The following KCNH7 variants were observed in gnomAD, a reference collection of about 807,000 sequenced individuals.
KCNH7 encodes potassium voltage-gated channel subfamily H member 7.
A neutral mutation model predicts 120.8 loss-of-function variants in KCNH7; 49 were observed. That is an observed-to-expected ratio of 0.41 (90% CI 0.32 to 0.51). KCNH7 has a LOEUF of 0.51. Among genes scored for constraint, KCNH7 ranks in the 20% least tolerant of loss-of-function variants. The pLI is 0.38. For synonymous variants in KCNH7, 547 were observed against 516.1 expected (o/e 1.06, Z -0.81); for missense variants, 1,097 against 1,446.6 (o/e 0.76, Z 3.92).
intron 2 of KCNH7, among the ~76,000 whole-genome samples, chr2:162,799,538 A>G (rs1163628260): frequency 1.3e-5 from 2 of 152,020 alleles, no homozygotes; most frequent in East Asian, 1.9e-4. Context: ...ATAAATATTT[A>G]TAAGTAATCC....
intron 2 of KCNH7, among the ~76,000 whole-genome samples, chr2:162,553,671 A>AAAGAC (rs1209775706): frequency 6.6e-6 from 1 of 152,126 alleles, no homozygotes; most frequent in Admixed American, 6.5e-5. Context: ...AAAGAAAAGA[A>AAAGAC]AAGAAAAAAA....
chr2:162,384,337 T>G (rs1549020), intron 13 of KCNH7, among the ~76,000 whole-genome samples: 64,650 of 151,620 alleles, frequency 0.43, 16,677 homozygotes, highest in East Asian at 0.83. Flanking sequence ...AATGGGTACA[T>G]AAGATACATA....
intron 2 of KCNH7, chr2:162,795,957 C>A (rs1475996088): frequency 6.6e-6 from 1 of 151,942 alleles, no homozygotes; most frequent in East Asian, 1.9e-4. Flanking sequence ...ACAAAGAAGA[C>A]CACAGTATAA....
At position 162,613,956 on chromosome 2, in the gene KCNH7, T is replaced by G. The variant is rs567938242; in HGVS notation, c.308-76876A>C. On this transcript the variant is annotated intron_variant, in intron 2 of 15. Coordinates refer to ENST00000332142, the MANE Select transcript of KCNH7 (RefSeq NM_033272.4). ...ATAATCCTTCCCCAAAGAGAAAGTT[T>G]TTTTTTTTTTAATATAAACAGAGAA... Among the ~76,000 whole-genome samples the G allele has an allele frequency of 2.6e-3, 390 of 150,342 alleles. 1 individual carries two copies. The highest frequency in any genetic ancestry group is 9.3e-3 in the African/African-American group (375 of 40,146).
chr2:162,579,769 G>A (rs1273351068), intron 2 of KCNH7, among the ~76,000 whole-genome samples: 3 of 151,974 alleles, frequency 2.0e-5, no homozygotes, highest in African/African-American at 4.8e-5. Context: ...GAACCCTAGC[G>A]AAGACAGGCA....
intron 2 of KCNH7, among the ~76,000 whole-genome samples, chr2:162,710,974 A>G: frequency 6.6e-6 from 1 of 152,180 alleles, no homozygotes; most frequent in East Asian, 1.9e-4. Context: ...GATCCTCTTC[A>G]ATGTCACTTC....
chr2:162,810,740 T>C (rs1157623905), intron 2 of KCNH7, among the ~76,000 whole-genome samples: 1 of 152,168 alleles, frequency 6.6e-6, no homozygotes, highest in Admixed American at 6.5e-5. Context: ...TGTCACTTTC[T>C]TTTTAATCTG....
chr2:162,478,659 CA>C (rs1414740113), intron 6 of KCNH7, among the ~76,000 whole-genome samples: 1 of 152,124 alleles, frequency 6.6e-6, no homozygotes, highest in Non-Finnish European at 1.5e-5. Context: ...AATGCAAATT[CA>C]AAGTTAGGAA....
At chr2:162,645,291 G>T (rs182098070) in intron 2 of KCNH7, among the ~76,000 whole-genome samples, 1 of 152,106 alleles carries the variant, frequency 6.6e-6, no homozygotes, top group Admixed American at 6.5e-5. Context: ...GGGACTACAG[G>T]CACGTGCCAC....
intron 6 of KCNH7, among the ~76,000 whole-genome samples, chr2:162,453,534 G>A (rs1266081878): frequency 6.6e-6 from 1 of 152,142 alleles, no homozygotes; most frequent in Non-Finnish European, 1.5e-5. Flanking sequence ...TTGAGGAATT[G>A]CCACACTGTC....
chr2:162,717,784 G>A (rs1458390678), intron 2 of KCNH7, among the ~76,000 whole-genome samples: 1 of 152,034 alleles, frequency 6.6e-6, no homozygotes, highest in Non-Finnish European at 1.5e-5. Flanking sequence ...GTGAATGAAT[G>A]AATGAATGAG....
chr2:162,760,650 A>C (rs1688937360), intron 2 of KCNH7, among the ~76,000 whole-genome samples: 1 of 152,074 alleles, frequency 6.6e-6, no homozygotes, highest in East Asian at 1.9e-4. Context: ...TAGTATTCTT[A>C]ATGCGATCAA....
intron 2 of KCNH7, among the ~76,000 whole-genome samples, chr2:162,787,590 G>T (rs570164419): frequency 7.9e-5 from 12 of 152,300 alleles, no homozygotes; most frequent in African/African-American, 2.2e-4. Flanking sequence ...CAGCACTACC[G>T]CAGTAGACTG....
intron 2 of KCNH7, among the ~76,000 whole-genome samples, chr2:162,650,358 T>A (rs1249481692): frequency 6.6e-6 from 1 of 152,206 alleles, no homozygotes; most frequent in Admixed American, 6.6e-5. Flanking sequence ...CAAAAACTTA[T>A]GATTTTGGTA....
chr2:162,372,560 C>T (rs1194724705), intron 15 of KCNH7, among the ~76,000 whole-genome samples: 1 of 151,638 alleles, frequency 6.6e-6, no homozygotes, highest in African/African-American at 2.4e-5. Context: ...TACATGTTTC[C>T]CAGTCATTCA....
intron 2 of KCNH7, among the ~76,000 whole-genome samples, chr2:162,586,481 G>C (rs1694025438): frequency 6.6e-6 from 1 of 151,922 alleles, no homozygotes; most frequent in South Asian, 2.1e-4. Flanking sequence ...AAAATCTGAT[G>C]ACTGCAACCC....
At chr2:162,584,283 C>T (rs946441517) in intron 2 of KCNH7, among the ~76,000 whole-genome samples, 3 of 152,052 alleles carry the variant, frequency 2.0e-5, no homozygotes, top group Non-Finnish European at 1.5e-5. Flanking sequence ...GGGAGGGAAA[C>T]ATCATCTATA....
chr2:162,701,628 A>G (rs1043776955), intron 2 of KCNH7, among the ~76,000 whole-genome samples: 2 of 152,182 alleles, frequency 1.3e-5, no homozygotes, highest in African/African-American at 2.4e-5. Context: ...ACACCTTAAA[A>G]TACTTCTAAA....
At chr2:162,410,735 C>T (rs1296498327) in intron 9 of KCNH7, among the ~76,000 whole-genome samples, 1 of 151,976 alleles carries the variant, frequency 6.6e-6, no homozygotes, top group Non-Finnish European at 1.5e-5. Context: ...CCATAAGGAA[C>T]TTAAGCAAAC....
Sources: allele counts gnomAD v4.1 joint callset (sites outside exome capture counted in the v4.1 genomes callset), GRCh38; gene constraint gnomAD v4.1.1; transcripts MANE v1.5; gene names NCBI Gene and HGNC (gene_info 2026-07-23, HGNC 2026-07-21).